PPARGC1A: variants seen among roughly 807,000 people sequenced by gnomAD.
The protein encoded by PPARGC1A is peroxisome proliferator-activated receptor gamma coactivator 1-alpha.
In PPARGC1A, 25 loss-of-function variants were observed where a neutral mutation model predicts 88.7. The ratio of observed to expected loss-of-function variants is 0.28; its 90% CI spans 0.21 to 0.39. The LOEUF (loss-of-function observed/expected upper bound fraction) is 0.39. Among genes scored for constraint, PPARGC1A ranks in the 10% least tolerant of loss-of-function variants. PPARGC1A has a pLI of 1.00. For synonymous variants in PPARGC1A, 363 were observed against 355.6 expected, an observed-to-expected ratio of 1.02 and a Z score of -0.24; for missense variants, 880 against 968.7, an observed-to-expected ratio of 0.91 and a Z score of 1.22.
chr4:24,451,396 T>C, the PPARGC1A span, among the ~76,000 whole-genome samples: 8 of 152,232 alleles, frequency 5.3e-5, no homozygotes, highest in African/African-American at 1.9e-4. Context: ...AGCACGACCC[T>C]AATGGCACTT....
chr4:24,170,399 A>AT, the PPARGC1A span, among the ~76,000 whole-genome samples: 1 of 152,332 alleles, frequency 6.6e-6, no homozygotes, highest in Non-Finnish European at 1.5e-5. Flanking sequence ...CACAAACTAA[A>AT]TTATTTTCCC....
At chr4:24,434,344 G>C in the PPARGC1A span, among the ~76,000 whole-genome samples, 3 of 152,182 alleles carry the variant, frequency 2.0e-5, no homozygotes, top group South Asian at 2.1e-4. Context: ...ATGAGCTGAT[G>C]CAGCATGCCA....
the PPARGC1A span, among the ~76,000 whole-genome samples, chr4:24,285,032 A>G: frequency 6.6e-6 from 1 of 151,336 alleles, no homozygotes; most frequent in Non-Finnish European, 1.5e-5. Flanking sequence ...TCTCAAAAAA[A>G]AGTAAAAAAG....
chr4:24,327,312 T>C, the PPARGC1A span, among the ~76,000 whole-genome samples: 1 of 152,210 alleles, frequency 6.6e-6, no homozygotes, highest in African/African-American at 2.4e-5. Context: ...TATTCACTGT[T>C]CTCAACTACT....
Position 23,833,270 on chromosome 4 carries a change from C to T in PPARGC1A, c.235-1519G>A, listed in dbSNP as rs35094905. On this transcript the variant is annotated intron_variant, in intron 2 of 12. Coordinates refer to ENST00000264867, the MANE Select transcript of PPARGC1A (RefSeq NM_013261.5). ...GTGGACAACCAGTACCAACACTGGG[C>T]ACATGGCATAGCTAATCAATGATTA... Among the ~76,000 whole-genome samples, 423 of 152,336 alleles carry T rather than the reference C, an allele frequency of 2.8e-3. 2 individuals are homozygous for T. The highest frequency in any genetic ancestry group is 0.014 in the Middle Eastern group (4 of 294).
At chr4:24,016,255 C>A in the PPARGC1A span, among the ~76,000 whole-genome samples, 1 of 152,056 alleles carries the variant, frequency 6.6e-6, no homozygotes, top group African/African-American at 2.4e-5. Context: ...GAAAATTGAA[C>A]ATTTACTGAG....
the PPARGC1A span, among the ~76,000 whole-genome samples, chr4:24,273,445 T>C: frequency 6.6e-6 from 1 of 152,188 alleles, no homozygotes. Flanking sequence ...AGAGACTCTC[T>C]TTCCTGGGAC....
the PPARGC1A span, among the ~76,000 whole-genome samples, chr4:23,965,351 T>A: frequency 6.6e-6 from 1 of 152,186 alleles, no homozygotes; most frequent in Non-Finnish European, 1.5e-5. Context: ...TCTATACCAC[T>A]AATGCTTGAC....
the PPARGC1A span, among the ~76,000 whole-genome samples, chr4:23,921,421 C>T: frequency 1.3e-5 from 2 of 152,216 alleles, no homozygotes; most frequent in African/African-American, 4.8e-5. Context: ...TTTCTTCCAG[C>T]GTCTCCAGTT....
the PPARGC1A span, among the ~76,000 whole-genome samples, chr4:24,156,584 A>T: frequency 2.6e-5 from 4 of 152,140 alleles, no homozygotes; most frequent in Admixed American, 2.6e-4. Flanking sequence ...TTGCTCTCTG[A>T]ATAAATGGCA....
the PPARGC1A span, among the ~76,000 whole-genome samples, chr4:23,928,283 G>A: frequency 1.3e-5 from 2 of 152,112 alleles, no homozygotes; most frequent in Non-Finnish European, 2.9e-5. Flanking sequence ...TTATATCCTA[G>A]GCTTCTAGGC....
the PPARGC1A span, among the ~76,000 whole-genome samples, chr4:24,049,308 G>GTATA: frequency 0.24 from 33,212 of 139,408 alleles, 4,788 homozygotes; most frequent in Admixed American, 0.36. Flanking sequence ...ATATATGTGT[G>GTATA]TATATATATA....
chr4:24,396,140 G>A, the PPARGC1A span, among the ~76,000 whole-genome samples: 147 of 152,188 alleles, frequency 9.7e-4, 3 homozygotes, highest in East Asian at 0.022. Flanking sequence ...TCAGGGTGCC[G>A]GGGACAGTGC....
chr4:24,389,863 T>A, the PPARGC1A span, among the ~76,000 whole-genome samples: 1 of 152,136 alleles, frequency 6.6e-6, no homozygotes, highest in African/African-American at 2.4e-5. Flanking sequence ...AGCTAAGGGC[T>A]AAGGGAGGCT....
chr4:24,374,878 A>G, the PPARGC1A span, among the ~76,000 whole-genome samples: 1 of 152,112 alleles, frequency 6.6e-6, no homozygotes, highest in African/African-American at 2.4e-5. Flanking sequence ...TGACCCAACA[A>G]TTCCACTCCT....
chr4:23,979,419 T>A, the PPARGC1A span, among the ~76,000 whole-genome samples: 2 of 152,212 alleles, frequency 1.3e-5, no homozygotes, highest in Non-Finnish European at 2.9e-5. Flanking sequence ...GGCTTCTGCA[T>A]CTACATGGTT....
At chr4:24,435,876 T>C in the PPARGC1A span, among the ~76,000 whole-genome samples, 1 of 152,162 alleles carries the variant, frequency 6.6e-6, no homozygotes, top group East Asian at 1.9e-4. Flanking sequence ...AGCCCTGCTT[T>C]TTCTGCAATT....
chr4:24,316,381 C>T, the PPARGC1A span, among the ~76,000 whole-genome samples: 1 of 152,194 alleles, frequency 6.6e-6, no homozygotes, highest in Non-Finnish European at 1.5e-5. Flanking sequence ...AGCACAATGT[C>T]CAAATGCTTG....
At chr4:24,189,080 A>C in the PPARGC1A span, among the ~76,000 whole-genome samples, 1 of 152,108 alleles carries the variant, frequency 6.6e-6, no homozygotes, top group Non-Finnish European at 1.5e-5. Flanking sequence ...CACTTACGCA[A>C]GCTACTTGGA....
Sources: allele counts gnomAD v4.1 joint callset (sites outside exome capture counted in the v4.1 genomes callset), GRCh38; gene constraint gnomAD v4.1.1; transcripts MANE v1.5; gene names NCBI Gene and HGNC (gene_info 2026-07-23, HGNC 2026-07-21).